HRNR: variants seen among roughly 807,000 people sequenced by gnomAD.
HRNR encodes hornerin, also known as filaggrin family member 3.
In HRNR, 7 loss-of-function variants were observed where a neutral mutation model predicts 4.8. The observed-to-expected ratio is 1.47, with a 90% CI of 0.83 to 2.75. The LOEUF (loss-of-function observed/expected upper bound fraction) is 2.75. Ranked by LOEUF, HRNR falls within the 30% of genes most tolerant of loss-of-function variation. The probability of loss-of-function intolerance (pLI) is 0.00; values close to 1 mark genes in which losing one functional copy is unlikely to be tolerated. For missense variants in HRNR, 2,879 were observed against 3,010.4 expected (o/e 0.96, Z 1.02); for synonymous variants, 1,023 against 1,242.7 (o/e 0.82, Z 3.72).
At position 152,221,070 on chromosome 1, in the gene HRNR, G is replaced by T. The variant is rs995921394; in HGVS notation, c.559C>A (p.His187Asn). 3.1e-6 allele frequency: 5 copies of T among 1,613,340 alleles called. No homozygotes were observed. The highest frequency in any genetic ancestry group is 4.2e-6 in the Non-Finnish European group (5 of 1,179,440). The change falls in exon 3 of 3, where the codon CAT (histidine) becomes AAT (asparagine). Residue 187 changes from histidine to asparagine, a missense_variant. Transcript: ENST00000368801. ...CATTGGCCGCGGCCTGAAGACTGAT[G>T]GGAGTCGGAGTTTTGCTCACCATAG... is the stretch of plus-strand genomic sequence containing the variant. ...SSYGEQNSDS[H>N]QSSGRGQCGS... is the part of the protein sequence containing the mutation.
chr1:152,223,238 G>A lies in HRNR; in HGVS notation c.16C>T (p.Gln6Ter). The change falls in exon 2 of 3, where the codon CAA becomes TAA. Residue 6 changes from glutamine (Q) to a stop codon, truncating the protein, a stop_gained. Coordinates refer to ENST00000368801, the MANE Select transcript of HRNR (RefSeq NM_001009931.3). LOFTEE classifies it high-confidence loss of function. MPKLL[Q>*]GVITVIDVFY... is the part of the protein sequence containing the mutation. The stretch of plus-strand genomic sequence containing the variant: ...ACATCGATGACAGTGATGACGCCTT[G>A]TAGGAGTTTAGGCATTTTTTTTTTT... 6.4e-7 allele frequency: 1 copy of A among 1,558,048 alleles called. No homozygotes were observed. Among genetic ancestry groups the A allele is most frequent in the East Asian group, 2.3e-5 (1 of 42,744 alleles).
chr1:152,221,423 ACTTT>A lies in HRNR; in HGVS notation c.202_205del (p.Lys68TrpfsTer8). ...CATCAGAAGATACTCAGTAAAATCC[ACTTT>A]CTTGTTATGGTCTCGATCCAGACTT... On this transcript the variant is annotated frameshift_variant, in exon 3 of 3. Transcript: ENST00000368801. LOFTEE classifies it low-confidence loss of function (END_TRUNC). 1.2e-6 allele frequency: 2 copies of A among 1,613,366 alleles called. No individual in the cohort carries two copies. The highest frequency in any genetic ancestry group is 1.7e-6 in the Non-Finnish European group (2 of 1,179,692).
rs768413672 is a variant in HRNR at position 152,218,968 on chromosome 1, A to T, written c.2661T>A (p.Ser887=). 30 of 1,608,446 alleles carry T rather than the reference A, an allele frequency of 1.9e-5. No homozygotes were observed. Among genetic ancestry groups the T allele is most frequent in the East Asian group, 4.5e-5 (2 of 44,870 alleles). Residue 887 remains serine, a synonymous_variant, in exon 3 of 3, where the codon TCT becomes TCA. Transcript: ENST00000368801. ...GCTGGCCGTGGCCTGGAGACTGGCC[A>T]GATCCAGAGCCATGTCGGCCGCGGC... The part of the protein sequence containing the change: ...ASGRGRHGSG[S]GQSPGHGQRG...
chr1:152,221,892 T>C (rs2101597790), intron 2 of HRNR, among the ~76,000 whole-genome samples: 1 of 152,340 alleles, frequency 6.6e-6, no homozygotes, highest in African/African-American at 2.4e-5. Flanking sequence ...ATTTTACTAG[T>C]TGCCTACCAT....
At position 152,219,062 on chromosome 1, in the gene HRNR, T is replaced by C; in HGVS notation, c.2567A>G (p.Gln856Arg). 1 of 1,613,542 alleles carries C rather than the reference T, an allele frequency of 6.2e-7. No homozygotes were observed. Among genetic ancestry groups the C allele is most frequent in the Non-Finnish European group, 8.5e-7 (1 of 1,179,928 alleles). ...AGATTGACCTGAGCTAGAGTCATGT[T>C]GGCCGGAGCTTGATGACTGCCCTGA... ...STSGQSSSSG[Q>R]HDSSSGQSSS... is the part of the protein sequence containing the mutation. Residue 856 changes from glutamine to arginine, a missense_variant, in exon 3 of 3, where the codon CAA becomes CGA. Gln to Arg is a conservative substitution (Grantham distance 43). Coordinates refer to ENST00000368801, the MANE Select transcript of HRNR (RefSeq NM_001009931.3).
rs183654958 is a variant in HRNR, at chr1:152,222,300, A to G, written c.139-810T>C. 3.9e-5 allele frequency among the ~76,000 whole-genome samples: 6 copies of G among 152,342 alleles called. No individual in the cohort carries two copies. The East Asian group carries it at 1.2e-3, about 29-fold the overall frequency. ...TAGAGAGACAAATAGGGACTAGATT[A>G]TGACTTTTAAGTTATGTTAAGGAAC... On this transcript the variant is annotated intron_variant, in intron 2 of 2. Transcript: ENST00000368801.
chr1:152,220,975 A>T lies in HRNR; in HGVS notation c.654T>A (p.Asn218Lys), dbSNP rs773731380. ...HGSGSGQSSS[N>K]DTHGSGSGQS... ...GGCCTGAGCCAGACCCATGTGTGTC[A>T]TTGCTGGAAGACTGTCCGGAGCCAG... is the stretch of plus-strand genomic sequence containing the variant. The change falls in exon 3 of 3, where the codon AAT (asparagine) becomes AAA (lysine). Residue 218 changes from asparagine (N) to lysine (K), a missense_variant. Transcript: ENST00000368801. 5.6e-6 allele frequency: 9 copies of T among 1,614,190 alleles called. No homozygotes were observed. The highest frequency in any genetic ancestry group is 7.6e-6 in the Non-Finnish European group (9 of 1,180,024).
chr1:152,213,235 A>C lies in HRNR; in HGVS notation c.8394T>G (p.Tyr2798Ter). 1 of 1,613,122 alleles carries C rather than the reference A, an allele frequency of 6.2e-7. No homozygotes were observed. Among genetic ancestry groups the C allele is most frequent in the Non-Finnish European group, 8.5e-7 (1 of 1,179,692 alleles). The stretch of plus-strand genomic sequence containing the variant: ...GCCCTGAGCCACTTCCATGCTGACT[A>C]TAACCAGAGGACTGTCCTGAGCCAG... ...HGSGSGQSSG[Y>*]SQHGSGSGQD... Residue 2798 changes from tyrosine to a stop codon, truncating the protein, a stop_gained, in exon 3 of 3, where the codon TAT (tyrosine) becomes TAG (stop). Coordinates refer to ENST00000368801, the MANE Select transcript of HRNR (RefSeq NM_001009931.3). LOFTEE classifies it low-confidence loss of function (END_TRUNC).
intron 1 of HRNR, 21 bp from the exon 2 acceptor site, chr1:152,223,299 G>C (rs201032154): frequency 2.9e-5 from 43 of 1,459,102 alleles, no homozygotes; most frequent in Non-Finnish European, 3.9e-5. Flanking sequence ...GAAAAAGAGA[G>C]ACCAACCCCT....
rs1021969117 is a variant in HRNR, at chr1:152,223,749, G to A, written c.-26+394C>T. Among the ~76,000 whole-genome samples, 7 of 152,284 alleles carry A rather than the reference G, an allele frequency of 4.6e-5. No individual in the cohort carries two copies. The East Asian group carries it at 1.2e-3, about 25-fold the overall frequency. The stretch of plus-strand genomic sequence containing the variant: ...AGGTCAGAGAAAATAGACAATGTGA[G>A]CAAAGCCAACAAGCCTAGGTGATAT... On this transcript the variant is annotated intron_variant, in intron 1 of 2. Coordinates refer to ENST00000368801, the MANE Select transcript of HRNR (RefSeq NM_001009931.3).
chr1:152,218,669 C>A lies in HRNR; in HGVS notation c.2960G>T (p.Gly987Val). ...SGSSSSYGQH[G>V]SGSRQSLGHG... ...GCCCAAAGACTGACGGGAGCCAGACCCATGCTGACCATAGCTGGAAGACGA... is the reference window on the plus strand; with the variant it reads ...GCCCAAAGACTGACGGGAGCCAGACACATGCTGACCATAGCTGGAAGACGA... The change falls in exon 3 of 3, where the codon GGG becomes GTG. Residue 987 changes from glycine (G) to valine (V), a missense_variant. Coordinates refer to ENST00000368801, the MANE Select transcript of HRNR (RefSeq NM_001009931.3). 6.2e-7 allele frequency: 1 copy of A among 1,613,566 alleles called. No homozygotes were observed. Among genetic ancestry groups the A allele is most frequent in the Non-Finnish European group, 8.5e-7 (1 of 1,179,938 alleles).
chr1:152,219,369 G>C lies in HRNR; in HGVS notation c.2260C>G (p.Gln754Glu), dbSNP rs752016330. ...SSSGLSSSYG[Q>E]HGSGSHQSSG... ...GATTGATGGGAGCCCGACCCATGCT[G>C]ACCATAGCTGGAAGACAAACCTGAG... The change falls in exon 3 of 3, where the codon CAG becomes GAG. Residue 754 changes from glutamine (Q) to glutamate (E), a missense_variant. Transcript: ENST00000368801. 1 of 1,614,084 alleles carries C rather than the reference G, an allele frequency of 6.2e-7. No individual in the cohort carries two copies. The highest frequency in any genetic ancestry group is 8.5e-7 in the Non-Finnish European group (1 of 1,180,030).
rs766728830 is a variant in HRNR, at chr1:152,218,411, G to A, written c.3218C>T (p.Ser1073Phe). Reference protein sequence around the residue: ...YGQHGSSSGHSSTHGQHGSTS... With the variant: ...YGQHGSSSGHFSTHGQHGSTS... Reference sequence around the variant, plus strand: ...AGAACCGTGTTGCCCATGGGTAGAGGAATGACCTGAGCTAGATCCATGTTG... The same window carrying A: ...AGAACCGTGTTGCCCATGGGTAGAGAAATGACCTGAGCTAGATCCATGTTG... The change falls in exon 3 of 3, where the codon TCC (serine) becomes TTC (phenylalanine). Residue 1073 changes from serine to phenylalanine, a missense_variant. Physicochemically the swap from Ser to Phe is radical, Grantham distance 155 (BLOSUM62 -2). Around this residue, in one of 8 missense-constraint regions of HRNR, gnomAD observed 2,646 missense variants for 1,377.7 expected, o/e 1.92. Coordinates refer to ENST00000368801, the MANE Select transcript of HRNR (RefSeq NM_001009931.3). 38 of 1,613,352 alleles carry A rather than the reference G, an allele frequency of 2.4e-5. 1 individual carries two copies. In the Admixed American group the frequency reaches 4.0e-4, roughly 17 times the overall value.
Position 152,212,905 on chromosome 1 carries a change from C to A in HRNR, c.*171G>T, listed in dbSNP as rs1335936479. 3.4e-6 allele frequency: 3 copies of A among 876,472 alleles called. No individual in the cohort carries two copies. The highest frequency in any genetic ancestry group is 3.5e-4 in the Middle Eastern group (1 of 2,856). 54.3% of individuals were successfully genotyped at this position (876,472 alleles called of 1,614,324 possible). A position where few individuals can be genotyped will look rare whatever the true frequency, so the allele number is the denominator to read the frequency against. On this transcript the variant is annotated 3_prime_UTR_variant, in exon 3 of 3. Transcript: ENST00000368801. ...GCCTAACAGTCTTTGGAAGGAACCC[C>A]ATAACAAGATATATGCTACAGTTTT...
chr1:152,213,225 C>A lies in HRNR; in HGVS notation c.8404G>T (p.Gly2802Ter), dbSNP rs559696160. ...TACCCATCTTGCCCTGAGCCACTTCCATGCTGACTATAACCAGAGGACTGT... is the reference window on the plus strand; with the variant it reads ...TACCCATCTTGCCCTGAGCCACTTCAATGCTGACTATAACCAGAGGACTGT... ...SGQSSGYSQH[G>*]SGSGQDGYSY... is the part of the protein sequence containing the mutation. Residue 2802 changes from glycine to a stop codon, truncating the protein, a stop_gained, in exon 3 of 3, where the codon GGA becomes TGA. Coordinates refer to ENST00000368801, the MANE Select transcript of HRNR (RefSeq NM_001009931.3). LOFTEE classifies it low-confidence loss of function (END_TRUNC). 1 of 1,613,966 alleles carries A rather than the reference C, an allele frequency of 6.2e-7. No individual in the cohort carries two copies. Among genetic ancestry groups the A allele is most frequent in the South Asian group, 1.1e-5 (1 of 91,076 alleles).
rs977894467 is a variant in HRNR, at chr1:152,219,463, G to A, written c.2166C>T (p.His722=). The A allele has an allele frequency of 2.5e-6, 4 of 1,613,794 alleles. No individual in the cohort carries two copies. Among genetic ancestry groups the A allele is most frequent in the East Asian group, 2.2e-5 (1 of 44,848 alleles). Residue 722 remains histidine, a synonymous_variant, in exon 3 of 3, where the codon CAC becomes CAT. Transcript: ENST00000368801. The part of the protein sequence containing the change: ...GYSQHGSGSS[H]SSGYRKHGSR... ...AGCCGTGTTTTCTGTAGCCGGAGGA[G>A]TGACTTGAGCCAGATCCATGCTGAC...
At chr1:152,222,576 A>C (rs1649034256) in intron 2 of HRNR, among the ~76,000 whole-genome samples, 1 of 152,198 alleles carries the variant, frequency 6.6e-6, no homozygotes, top group African/African-American at 2.4e-5. Context: ...TTTGGGCAAA[A>C]AGATGAAGGA....
Position 152,221,202 on chromosome 1 carries a change from T to C in HRNR, c.427A>G (p.Asn143Asp), listed in dbSNP as rs777578940. 5.0e-6 allele frequency: 8 copies of C among 1,613,966 alleles called. No homozygotes were observed. The highest frequency in any genetic ancestry group is 6.8e-6 in the Non-Finnish European group (8 of 1,180,028). ...SAGENDSYSRNVRGSLKPGTE... is the reference protein window; with the variant it reads ...SAGENDSYSRDVRGSLKPGTE... ...CCAGGTTTAAGACTTCCTCTGACGT[T>C]TCTGGAATAGGAATCATTCTCTCCT... The change falls in exon 3 of 3, where the codon AAC (asparagine) becomes GAC (aspartate). Residue 143 changes from asparagine to aspartate, a missense_variant. Coordinates refer to ENST00000368801, the MANE Select transcript of HRNR (RefSeq NM_001009931.3).
rs1648431457 is a variant in HRNR, at chr1:152,212,762, A to C, written c.*314T>G. 2.5e-6 allele frequency: 1 copy of C among 395,734 alleles called. No individual in the cohort carries two copies. Among genetic ancestry groups the C allele is most frequent in the Non-Finnish European group, 4.5e-6 (1 of 222,552 alleles). 24.5% of individuals were successfully genotyped at this position (395,734 alleles called of 1,614,324 possible). A position where few individuals can be genotyped will look rare whatever the true frequency, so the allele number is the denominator to read the frequency against. On this transcript the variant is annotated 3_prime_UTR_variant, in exon 3 of 3. Transcript: ENST00000368801. Reference sequence around the variant, plus strand: ...ATCTATAAATGAATGATGAGCTCTCAAAAAGACAACTCCAACTAAACCCAA... The same window carrying C: ...ATCTATAAATGAATGATGAGCTCTCCAAAAGACAACTCCAACTAAACCCAA...
Sources: gnomAD v4.1 joint callset for allele counts (sites outside exome capture counted in the v4.1 genomes callset) on GRCh38, gnomAD v4.1.1 for gene constraint, gnomAD v4.1.1 regional missense constraint, MANE v1.5 for transcripts, NCBI Gene and HGNC (gene_info 2026-07-23, HGNC 2026-07-21) for gene names.